Variants in DOT1L observed in about 807,000 individuals in gnomAD.
DOT1L encodes DOT1 like histone lysine methyltransferase.
Under a neutral mutation model 153.3 loss-of-function variants are expected in DOT1L, and 33 were observed. The ratio of observed to expected loss-of-function variants is 0.22; its 90% CI spans 0.16 to 0.29. DOT1L has a LOEUF of 0.29. DOT1L is among the 10% of genes least tolerant of loss of function. DOT1L has a pLI of 1.00. For missense variants in DOT1L, 1,847 were observed against 2,119.9 expected, an observed-to-expected ratio of 0.87 and a Z score of 2.53; for synonymous variants, 1,135 against 965.1, an observed-to-expected ratio of 1.18 and a Z score of -3.26.
chr19:2,168,510 C>T lies in DOT1L; in HGVS notation c.81+4245C>T, dbSNP rs77769171. 8.1e-3 allele frequency among the ~76,000 whole-genome samples: 1,234 copies of T among 152,206 alleles called. 9 individuals carry two copies. The highest frequency in any genetic ancestry group is 0.013 in the Non-Finnish European group (891 of 67,996). ...TGTCCACGCTCGGAAATGAGCAGTT[C>T]GGAAGGGGTTTGCCCAATTGGCAAA... On this transcript the variant is annotated intron_variant, in intron 1 of 27. Coordinates refer to ENST00000398665, the MANE Select transcript of DOT1L (RefSeq NM_032482.3).
chr19:2,188,299 G>C (rs955018837), intron 3 of DOT1L: 2 of 152,416 alleles, frequency 1.3e-5, no homozygotes, highest in African/African-American at 4.8e-5. Flanking sequence ...GGTGAATTCA[G>C]GGTGGCCAGG....
chr19:2,187,076 C>T (rs754456388), intron 3 of DOT1L, among the ~76,000 whole-genome samples: 1 of 152,222 alleles, frequency 6.6e-6, no homozygotes, highest in Non-Finnish European at 1.5e-5. Flanking sequence ...CCTCCATCTC[C>T]AGTCCCCTCT....
intron 15 of DOT1L, 70 bp from the exon 16 acceptor site, chr19:2,211,681 G>A: frequency 7.3e-7 from 1 of 1,373,882 alleles, no homozygotes; most frequent in Non-Finnish European, 1.0e-6. Flanking sequence ...CGTTCTCAAG[G>A]GCTGCTCCCA....
intron 27 of DOT1L, chr19:2,227,899 G>T (rs1004285222): frequency 1.6e-6 from 2 of 1,242,490 alleles, no homozygotes; most frequent in Non-Finnish European, 2.1e-6. Context: ...GTTGAGACCC[G>T]GCCGCCCCCT....
Position 2,193,864 on chromosome 19 carries a change from T to A in DOT1L, c.588+81T>A. On this transcript the variant is annotated intron_variant, in intron 6 of 27. Transcript: ENST00000398665. The surrounding 1 kb of genome is among the most constrained non-coding windows in gnomAD (Gnocchi z 5.9). ...GACGCCCTGGGTGCCTGCACCCCAC[T>A]GCTGTGGGACTTCCGAGTCTGGGTG... 1 of 1,396,426 alleles carries A rather than the reference T, an allele frequency of 7.2e-7. No homozygotes were observed. The highest frequency in any genetic ancestry group is 9.9e-7 in the Non-Finnish European group (1 of 1,008,790). The allele number at this position is 1,396,426 out of a possible 1,614,324, so 86.5% of individuals were successfully genotyped here.
Position 2,180,734 on chromosome 19 carries a change from C to T in DOT1L, c.103C>T (p.His35Tyr). The T allele has an allele frequency of 6.2e-7, 1 of 1,614,102 alleles. No individual in the cohort carries two copies. The highest frequency in any genetic ancestry group is 8.5e-7 in the Non-Finnish European group (1 of 1,180,018). ...PVYDKHHDAA[H>Y]EIIETIRWVC... ...TCAGGATAAACATCACGATGCTGCT[C>T]ATGAAATCATCGAGACCATCCGGTG... The change falls in exon 2 of 28, where the codon CAT becomes TAT. Residue 35 changes from histidine (H) to tyrosine (Y), a missense_variant. Physicochemically the swap from His to Tyr is moderately conservative, Grantham distance 83. Transcript: ENST00000398665.
At chr19:2,187,331 GTCA>G (rs1427649935) in intron 3 of DOT1L, among the ~76,000 whole-genome samples, 2 of 152,274 alleles carry the variant, frequency 1.3e-5, no homozygotes, top group East Asian at 3.8e-4. Flanking sequence ...CAGCGAGCGT[GTCA>G]GACGCTGTGC....
intron 1 of DOT1L, among the ~76,000 whole-genome samples, chr19:2,170,077 T>A (rs1056682560): frequency 6.6e-6 from 1 of 152,126 alleles, no homozygotes; most frequent in African/African-American, 2.4e-5. Context: ...GAGGCTGCAG[T>A]GAGCTGAGAT....
intron 27 of DOT1L, chr19:2,227,589 AGCCTG>A (rs1568374576): frequency 1.3e-5 from 12 of 924,208 alleles, no homozygotes; most frequent in Non-Finnish European, 1.4e-6. Context: ...GGCCACCACG[AGCCTG>A]GCCGAGCCGC....
Position 2,217,166 on chromosome 19 carries a change from G to A in DOT1L, c.2544+76G>A. 1 of 1,477,102 alleles carries A rather than the reference G, an allele frequency of 6.8e-7. No individual in the cohort carries two copies. The highest frequency in any genetic ancestry group is 9.0e-7 in the Non-Finnish European group (1 of 1,117,222). The allele number at this position is 1,477,102 out of a possible 1,614,324, so 91.5% of individuals were successfully genotyped here. A position where few individuals can be genotyped will look rare whatever the true frequency, so the allele number is the denominator to read the frequency against. On this transcript the variant is annotated intron_variant, in intron 21 of 27. Transcript: ENST00000398665. The surrounding 1 kb of genome is among the most constrained non-coding windows in gnomAD (Gnocchi z 7.3). Reference sequence around the variant, plus strand: ...GGCCTGAGCGAGTTGCTAGCAGGAGGGCTTGTCCTAGTTGACCTTGGGGCA... The same window carrying A: ...GGCCTGAGCGAGTTGCTAGCAGGAGAGCTTGTCCTAGTTGACCTTGGGGCA...
At chr19:2,189,281 G>T (rs2022687057) in intron 3 of DOT1L, among the ~76,000 whole-genome samples, 1 of 152,212 alleles carries the variant, frequency 6.6e-6, no homozygotes, top group African/African-American at 2.4e-5. Flanking sequence ...GCAGAGGCCT[G>T]GTGGTCCCTG....
In DOT1L at chr19:2,217,836, C is replaced by T. The variant is rs1315147414; in HGVS notation, c.2609C>T (p.Pro870Leu). ...ATCACCAGCCTGCCCATCAGCATCCCGCTCAGCACCGTGCAGCCCAACAAG... is the reference window on the plus strand; with the variant it reads ...ATCACCAGCCTGCCCATCAGCATCCTGCTCAGCACCGTGCAGCCCAACAAG... ...ELITSLPISI[P>L]LSTVQPNKLP... Residue 870 changes from proline to leucine, a missense_variant, in exon 22 of 28, where the codon CCG (proline) becomes CTG (leucine). This residue lies in a region of DOT1L where 18 missense variants were observed against 58.1 expected (regional missense o/e 0.31). Transcript: ENST00000398665. This position sits in a 1 kb window ranked among gnomAD's most constrained non-coding sequence, Gnocchi z 7.3. The T allele has an allele frequency of 6.2e-7, 1 of 1,610,820 alleles. No individual in the cohort carries two copies.
intron 22 of DOT1L, among the ~76,000 whole-genome samples, chr19:2,218,508 C>T (rs892831203): frequency 6.6e-6 from 1 of 151,674 alleles, no homozygotes; most frequent in African/African-American, 2.4e-5. Flanking sequence ...ATTCTCCTGC[C>T]TCAGCCTCCC....
intron 2 of DOT1L, among the ~76,000 whole-genome samples, chr19:2,184,173 T>A (rs1273815518): frequency 6.6e-6 from 1 of 152,100 alleles, no homozygotes; most frequent in East Asian, 1.9e-4. Flanking sequence ...GACAGTGTGA[T>A]GAGAAGTGAC....
At chr19:2,216,866 G>T in intron 20 of DOT1L, 89 bp from the exon 21 acceptor site, 16 of 1,558,842 alleles carry the variant, frequency 1.0e-5, no homozygotes, top group Non-Finnish European at 1.4e-5. Context: ...GTTTGTTGAG[G>T]AGACTGAGGT....
rs1259212053 is a variant in DOT1L at position 2,204,414 on chromosome 19, GAC to G, written c.787+1638_787+1639del. Among the ~76,000 whole-genome samples, 1 of 152,064 alleles carries G rather than the reference GAC, an allele frequency of 6.6e-6. No individual in the cohort carries two copies. The highest frequency in any genetic ancestry group is 1.5e-5 in the Non-Finnish European group (1 of 68,016). ...CTGACTTATCTTAGAACCACGTGAG[GAC>G]ACCATGCTTCCCCGCCCAGTCGCCC... On this transcript the variant is annotated intron_variant, in intron 9 of 27. Coordinates refer to ENST00000398665, the MANE Select transcript of DOT1L (RefSeq NM_032482.3). The surrounding 1 kb of genome is among the most constrained non-coding windows in gnomAD (Gnocchi z 5.7).
intron 27 of DOT1L, chr19:2,228,865 C>T (rs1157686060): frequency 6.1e-6 from 6 of 985,308 alleles, no homozygotes; most frequent in African/African-American, 3.5e-5. Flanking sequence ...GGCTGGATGC[C>T]TCTGGTCGGG....
intron 2 of DOT1L, among the ~76,000 whole-genome samples, chr19:2,181,526 A>C (rs1318806949): frequency 6.6e-6 from 1 of 151,814 alleles, no homozygotes. Flanking sequence ...GCCCAGCGGC[A>C]CCTCCCTGGC....
At chr19:2,185,409 T>C (rs2022448934) in intron 2 of DOT1L, among the ~76,000 whole-genome samples, 1 of 152,162 alleles carries the variant, frequency 6.6e-6, no homozygotes. Flanking sequence ...ACGCCTCCCT[T>C]CTCTCTCCAC....
Sources: allele counts gnomAD v4.1 joint callset (sites outside exome capture counted in the v4.1 genomes callset), GRCh38; gene constraint gnomAD v4.1.1; regional missense constraint gnomAD v4.1.1; non-coding constraint Gnocchi (gnomAD v3.1); transcripts MANE v1.5; gene names NCBI Gene and HGNC (gene_info 2026-07-23, HGNC 2026-07-21).